The following MYOF variants were observed in gnomAD, a reference collection of about 807,000 sequenced individuals.
MYOF encodes fer-1-like 3, myoferlin.
MYOF carries 244 observed loss-of-function variants against 284.2 expected under a neutral mutation model. The ratio of observed to expected loss-of-function variants is 0.86; its 90% confidence interval spans 0.77 to 0.95. The LOEUF is 0.95. Among genes scored for constraint, MYOF ranks in the 40% least tolerant of loss-of-function variants. MYOF has a pLI of 0.00. For synonymous variants in MYOF, 904 were observed against 919.7 expected (o/e 0.98, Z 0.31); for missense variants, 2,496 against 2,560.6 (o/e 0.97, Z 0.54).
At chr10:93,370,400 C>T (rs1845535089) in intron 24 of MYOF, among the ~76,000 whole-genome samples, 1 of 149,750 alleles carries the variant, frequency 6.7e-6, no homozygotes, top group African/African-American at 2.5e-5. Flanking sequence ...CACCCTTGAC[C>T]TCCAGGGCTC....
chr10:93,387,586 T>C (rs541638689), intron 19 of MYOF, among the ~76,000 whole-genome samples: 2 of 152,258 alleles, frequency 1.3e-5, no homozygotes, highest in African/African-American at 4.8e-5. Flanking sequence ...AGCAAACAGG[T>C]CATTCAGTTT....
At chr10:93,323,477 G>C in intron 46 of MYOF, 119 bp from the exon 47 acceptor site, 1 of 905,732 alleles carries the variant, frequency 1.1e-6, no homozygotes, top group Non-Finnish European at 1.6e-6. Context: ...TAATTTATTA[G>C]TCCACATGGA....
intron 41 of MYOF, among the ~76,000 whole-genome samples, chr10:93,335,459 A>G (rs1843553376): frequency 6.6e-6 from 1 of 152,208 alleles, no homozygotes; most frequent in Non-Finnish European, 1.5e-5. Context: ...GAGTGTGACG[A>G]GAAAGGTGAC....
chr10:93,323,310 G>C lies in MYOF; in HGVS notation c.5320C>G (p.Pro1774Ala). 4 of 1,614,052 alleles carry C rather than the reference G, an allele frequency of 2.5e-6. No homozygotes were observed. The highest frequency in any genetic ancestry group is 1.7e-6 in the Non-Finnish European group (2 of 1,179,928). ...VDVFPKSLGP[P>A]GPPFNITPRK... ...GGTGTGATGTTGAAAGGAGGGCCTG[G>C]TGGCCCCAAACTCTTGGGGAAAACA... The change falls in exon 47 of 54, where the codon CCA becomes GCA. Residue 1774 changes from proline to alanine, a missense_variant. Around this residue, in one of 3 missense-constraint regions of MYOF, gnomAD observed 2,436 missense variants for 2,480.7 expected, o/e 0.98. Transcript: ENST00000359263.
intron 24 of MYOF, among the ~76,000 whole-genome samples, chr10:93,371,741 T>TA (rs1845600638): frequency 6.0e-5 from 8 of 134,198 alleles, no homozygotes; most frequent in East Asian, 1.4e-3. Context: ...ACCTTTTTTT[T>TA]TAAAGTATAA....
chr10:93,356,926 T>G (rs1203722937), intron 29 of MYOF, 78 bp from the exon 30 acceptor site: 1 of 1,367,066 alleles, frequency 7.3e-7, no homozygotes, highest in African/African-American at 1.5e-5. Context: ...GGTTATATGA[T>G]CAATCAACAG....
intron 19 of MYOF, among the ~76,000 whole-genome samples, chr10:93,387,339 G>T (rs1846427548): frequency 6.6e-6 from 1 of 152,184 alleles, no homozygotes; most frequent in South Asian, 2.1e-4. Flanking sequence ...GCATCGACCT[G>T]GATTCTCAGA....
At chr10:93,312,017 G>T (rs935801863) in intron 51 of MYOF, among the ~76,000 whole-genome samples, 7 of 152,166 alleles carry the variant, frequency 4.6e-5, no homozygotes, top group East Asian at 1.9e-4. Flanking sequence ...CTTGATTATG[G>T]TTCAGTGAGT....
chr10:93,462,161 G>A (rs928471981), intron 1 of MYOF, among the ~76,000 whole-genome samples: 5 of 149,152 alleles, frequency 3.4e-5, no homozygotes, highest in Non-Finnish European at 7.4e-5. Flanking sequence ...CACGCTCTTT[G>A]CTCACTACAA....
At chr10:93,420,637 A>G (rs1848320127) in intron 5 of MYOF, among the ~76,000 whole-genome samples, 1 of 152,246 alleles carries the variant, frequency 6.6e-6, no homozygotes, top group Admixed American at 6.5e-5. Flanking sequence ...ATTCCAGCAT[A>G]AATACTTCTA....
At chr10:93,425,359 G>A (rs1352106203) in intron 5 of MYOF, among the ~76,000 whole-genome samples, 1 of 152,070 alleles carries the variant, frequency 6.6e-6, no homozygotes, top group Admixed American at 6.6e-5. Flanking sequence ...AAGGGACAGA[G>A]ACTTTTAGCA....
chr10:93,409,707 T>C lies in MYOF; in HGVS notation c.466A>G (p.Arg156Gly). 1 of 1,614,200 alleles carries C rather than the reference T, an allele frequency of 6.2e-7. No homozygotes were observed. Among genetic ancestry groups the C allele is most frequent in the Non-Finnish European group, 8.5e-7 (1 of 1,180,024 alleles). The part of the protein sequence containing the change: ...DGEEDEGDED[R>G]LDNAVRGPGP... ...GGGCCCCTGACTGCATTGTCCAACCTGTCTTCATCACCTTCATCTTCTTCC... is the reference window on the plus strand; with the variant it reads ...GGGCCCCTGACTGCATTGTCCAACCCGTCTTCATCACCTTCATCTTCTTCC... The change falls in exon 6 of 54, where the codon AGG becomes GGG. Residue 156 changes from arginine to glycine, a missense_variant. Coordinates refer to ENST00000359263, the MANE Select transcript of MYOF (RefSeq NM_013451.4).
At chr10:93,357,040 C>T (rs140706426) in intron 29 of MYOF, among the ~76,000 whole-genome samples, 192 bp from the exon 30 acceptor site, 2,144 of 152,306 alleles carry the variant, frequency 0.014, 58 homozygotes, top group African/African-American at 0.049. Flanking sequence ...AGCTGATGGA[C>T]TGCAGGAGTG....
chr10:93,399,425 A>C lies in MYOF; in HGVS notation c.1188T>G (p.Asp396Glu). 1 of 1,613,802 alleles carries C rather than the reference A, an allele frequency of 6.2e-7. No homozygotes were observed. Among genetic ancestry groups the C allele is most frequent in the Non-Finnish European group, 8.5e-7 (1 of 1,179,822 alleles). ...CAGCAAAGGAAACTTCTACAAAAGGATCCACGAGATTTTTCTTATCTGCAT... is the reference window on the plus strand; with the variant it reads ...CAGCAAAGGAAACTTCTACAAAAGGCTCCACGAGATTTTTCTTATCTGCAT... ...GGNADKKNLV[D>E]PFVEVSFAGK... The change falls in exon 13 of 54, where the codon GAT becomes GAG. Residue 396 changes from aspartate to glutamate, a missense_variant. Physicochemically the swap from Asp to Glu is conservative, Grantham distance 45. Around this residue, in one of 3 missense-constraint regions of MYOF, gnomAD observed 2,436 missense variants for 2,480.7 expected, o/e 0.98. Coordinates refer to ENST00000359263, the MANE Select transcript of MYOF (RefSeq NM_013451.4).
At chr10:93,465,190 A>G (rs562605600) in intron 1 of MYOF, among the ~76,000 whole-genome samples, 41 of 152,326 alleles carry the variant, frequency 2.7e-4, no homozygotes, top group African/African-American at 8.7e-4. Flanking sequence ...ACAGCTAGTA[A>G]GTGATGGAGC....
chr10:93,434,362 C>T (rs1011411007), intron 3 of MYOF, among the ~76,000 whole-genome samples: 1 of 148,994 alleles, frequency 6.7e-6, no homozygotes, highest in African/African-American at 2.5e-5. Flanking sequence ...AACCGTGAGG[C>T]AGAGGTTGCA....
intron 3 of MYOF, among the ~76,000 whole-genome samples, 165 bp from the exon 4 acceptor site, chr10:93,431,681 C>A (rs1369200103): frequency 1.3e-5 from 2 of 151,856 alleles, no homozygotes; most frequent in East Asian, 1.9e-4. Context: ...TGGCAGTAAA[C>A]ATATCTGCCA....
At chr10:93,324,920 C>T (rs942531044) in intron 46 of MYOF, among the ~76,000 whole-genome samples, 9 of 152,024 alleles carry the variant, frequency 5.9e-5, no homozygotes, top group Non-Finnish European at 8.8e-5. Flanking sequence ...GCTGGGGTTA[C>T]AGGCACCCAC....
At chr10:93,446,311 AGTTCTCATCTT>A (rs1462430515) in intron 3 of MYOF, among the ~76,000 whole-genome samples, 1 of 151,896 alleles carries the variant, frequency 6.6e-6, no homozygotes, top group Non-Finnish European at 1.5e-5. Context: ...TAGGGTCTGA[AGTTCTCATCTT>A]GTTCACTCCT....
Sources: allele counts gnomAD v4.1 joint callset (sites outside exome capture counted in the v4.1 genomes callset), GRCh38; gene constraint gnomAD v4.1.1; regional missense constraint gnomAD v4.1.1; transcripts MANE v1.5; gene names NCBI Gene and HGNC (gene_info 2026-07-23, HGNC 2026-07-21).